The following FAR2 variants were observed in gnomAD, a reference collection of about 807,000 sequenced individuals.
FAR2 encodes epididymis secretory protein Li 81.
A neutral mutation model predicts 56.0 loss-of-function variants in FAR2; 19 were observed. That is an observed-to-expected ratio of 0.34 (90% CI 0.24 to 0.50). The LOEUF (loss-of-function observed/expected upper bound fraction) is 0.50. FAR2 is among the 20% of genes least tolerant of loss of function. The pLI is 0.98. For missense variants in FAR2, 508 were observed against 642.2 expected, an observed-to-expected ratio of 0.79 and a Z score of 2.26; for synonymous variants, 219 against 218.8, an observed-to-expected ratio of 1.00 and a Z score of -0.01.
chr12:29,289,185 AAAAC>A (rs1416902284), intron 2 of FAR2, among the ~76,000 whole-genome samples: 1 of 151,034 alleles, frequency 6.6e-6, no homozygotes, highest in Non-Finnish European at 1.5e-5. Flanking sequence ...GAAATAGAAA[AAAAC>A]AATCCTAAAA....
intron 1 of FAR2, among the ~76,000 whole-genome samples, chr12:29,198,839 C>T (rs1408888315): frequency 6.6e-6 from 1 of 152,184 alleles, no homozygotes; most frequent in Non-Finnish European, 1.5e-5. Flanking sequence ...CTCTCATGAT[C>T]ATCCAGAGGC....
At chr12:29,235,257 T>G (rs1947922549) in intron 1 of FAR2, among the ~76,000 whole-genome samples, 1 of 152,156 alleles carries the variant, frequency 6.6e-6, no homozygotes. Context: ...CTGGGTATGA[T>G]TAATGTACTA....
chr12:29,233,708 T>G (rs962580160), intron 1 of FAR2, among the ~76,000 whole-genome samples: 2 of 152,188 alleles, frequency 1.3e-5, no homozygotes, highest in African/African-American at 4.8e-5. Context: ...ATTAATTTTG[T>G]TTTTAGATCA....
rs759313112 is a variant in FAR2, at chr12:29,317,189, C to T, written c.1127+177C>T. On this transcript the variant is annotated intron_variant, in intron 9 of 11. Coordinates refer to ENST00000536681, the MANE Select transcript of FAR2 (RefSeq NM_001271783.2). ...ATCTGAAATTCTCCAAAATCCAAAA[C>T]GTTTTGAGTGCTGACATGATGCCAC... is the stretch of plus-strand genomic sequence containing the variant. Among the ~76,000 whole-genome samples the T allele has an allele frequency of 3.3e-5, 5 of 152,184 alleles. No individual in the cohort carries two copies. The South Asian group carries it at 8.3e-4, about 25-fold the overall frequency.
At chr12:29,163,139 GA>G (rs1463442011) in intron 1 of FAR2, among the ~76,000 whole-genome samples, 4 of 152,308 alleles carry the variant, frequency 2.6e-5, no homozygotes, top group Non-Finnish European at 5.9e-5. Flanking sequence ...CCCACTGAAG[GA>G]TAGGACAGGA....
chr12:29,303,649 G>A (rs1045570673), intron 4 of FAR2, among the ~76,000 whole-genome samples: 9 of 152,192 alleles, frequency 5.9e-5, no homozygotes, highest in African/African-American at 2.2e-4. Flanking sequence ...GAGGTCAGAT[G>A]TTAGAAAGTA....
At chr12:29,257,033 C>T (rs568081991) in intron 1 of FAR2, among the ~76,000 whole-genome samples, 64 of 152,182 alleles carry the variant, frequency 4.2e-4, no homozygotes, top group East Asian at 1.9e-3. Flanking sequence ...TGCGGGTGCA[C>T]GGCGCGGGAC....
intron 1 of FAR2, among the ~76,000 whole-genome samples, chr12:29,154,715 G>A (rs953927118): frequency 1.5e-4 from 23 of 152,258 alleles, no homozygotes; most frequent in Middle Eastern, 3.4e-3. Context: ...GTGAGCCACC[G>A]CACTGGGCCC....
At chr12:29,295,863 G>A (rs1591940477) in intron 3 of FAR2, among the ~76,000 whole-genome samples, 1 of 146,806 alleles carries the variant, frequency 6.8e-6, no homozygotes, top group East Asian at 2.0e-4. Context: ...CCGCTTCCCG[G>A]GTTCACGCCA....
chr12:29,308,709 C>CATATATATATATAT (rs1428996085), intron 5 of FAR2, among the ~76,000 whole-genome samples: 16 of 103,696 alleles, frequency 1.5e-4, no homozygotes, highest in African/African-American at 5.6e-4. Flanking sequence ...CACACACACA[C>CATATATATATATAT]ACACACACAC....
chr12:29,203,230 T>G (rs1947436465), intron 1 of FAR2, among the ~76,000 whole-genome samples: 1 of 152,240 alleles, frequency 6.6e-6, no homozygotes, highest in African/African-American at 2.4e-5. Flanking sequence ...CTTTGGTTTA[T>G]GTGACATTCT....
chr12:29,296,210 G>A (rs1428565151), intron 3 of FAR2, among the ~76,000 whole-genome samples: 1 of 151,974 alleles, frequency 6.6e-6, no homozygotes, highest in African/African-American at 2.4e-5. Flanking sequence ...ATCTATATCT[G>A]TTCTTTAATT....
At chr12:29,149,935 C>G (rs1243312816) in intron 1 of FAR2, among the ~76,000 whole-genome samples, 1 of 152,190 alleles carries the variant, frequency 6.6e-6, no homozygotes. Context: ...CAGGTCCTCG[C>G]CAGCCCCCAG....
intron 1 of FAR2, among the ~76,000 whole-genome samples, chr12:29,160,045 A>C (rs1949768037): frequency 6.6e-6 from 1 of 152,214 alleles, no homozygotes. Context: ...GAACTAGATG[A>C]GTACAGGCAT....
At position 29,332,614 on chromosome 12, in the gene FAR2, C is replaced by G. The variant is rs146854655; in HGVS notation, c.1272C>G (p.Asp424Glu). The stretch of plus-strand genomic sequence containing the variant: ...TTGCCTCTCAGGTATTCAACTTTGA[C>G]GTGCGCCAGTTGAACTGGTTGGAAT... ...SPEDQRVFNF[D>E]VRQLNWLEYI... Residue 424 changes from aspartate to glutamate, a missense_variant, in exon 11 of 12, where the codon GAC (aspartate) becomes GAG (glutamate). Coordinates refer to ENST00000536681, the MANE Select transcript of FAR2 (RefSeq NM_001271783.2). 3 of 1,613,618 alleles carry G rather than the reference C, an allele frequency of 1.9e-6. No individual in the cohort carries two copies. The South Asian group carries it at 3.3e-5, about 18-fold the overall frequency.
intron 3 of FAR2, among the ~76,000 whole-genome samples, chr12:29,294,442 G>A (rs1194879965): frequency 1.3e-5 from 2 of 152,006 alleles, no homozygotes; most frequent in African/African-American, 4.8e-5. Flanking sequence ...CCGCCTCCTG[G>A]GTTCAAGCGA....
Position 29,181,997 on chromosome 12 carries a change from T to C in FAR2, c.-39+32590T>C, listed in dbSNP as rs150657264. On this transcript the variant is annotated intron_variant, in intron 1 of 11. Transcript: ENST00000536681. ...ATAGTTCATTGAACAATACATGTAA[T>C]CTTAGGAAAATGTATGTGATTTGAA... is the stretch of plus-strand genomic sequence containing the variant. 3.7e-4 allele frequency among the ~76,000 whole-genome samples: 56 copies of C among 152,298 alleles called. No individual in the cohort carries two copies. In the East Asian group the frequency reaches 0.011, roughly 29 times the overall value.
At chr12:29,175,255 G>A (rs1949926171) in intron 1 of FAR2, among the ~76,000 whole-genome samples, 1 of 152,206 alleles carries the variant, frequency 6.6e-6, no homozygotes, top group African/African-American at 2.4e-5. Flanking sequence ...TGGGTTCTTG[G>A]TCTCGCTGAC....
At chr12:29,185,694 T>C (rs1478916842) in intron 1 of FAR2, among the ~76,000 whole-genome samples, 1 of 152,202 alleles carries the variant, frequency 6.6e-6, no homozygotes, top group Non-Finnish European at 1.5e-5. Context: ...GCCTTTGACA[T>C]GGGATAATAT....
Sources: gnomAD v4.1 joint callset for allele counts (sites outside exome capture counted in the v4.1 genomes callset) on GRCh38, gnomAD v4.1.1 for gene constraint, MANE v1.5 for transcripts, NCBI Gene and HGNC (gene_info 2026-07-23, HGNC 2026-07-21) for gene names.